The following SPTLC2 variants were observed in gnomAD, a reference collection of about 807,000 sequenced individuals.
SPTLC2 encodes the protein serine palmitoyltransferase long chain base subunit 2, also known as serine palmitoyltransferase 2.
In SPTLC2, 21 loss-of-function variants were observed where a neutral mutation model predicts 62.0. The observed-to-expected ratio is 0.34, with a 90% confidence interval of 0.24 to 0.49. The LOEUF (loss-of-function observed/expected upper bound fraction) is 0.49, where lower values mean the gene tolerates loss of function less well. Ranked by LOEUF, SPTLC2 falls within the 20% of genes least tolerant of loss-of-function variation. The pLI is 0.99. For synonymous variants in SPTLC2, 261 were observed against 261.8 expected (o/e 1.00, Z 0.03); for missense variants, 511 against 713.0 (o/e 0.72, Z 3.23).
chr14:77,555,388 A>C lies in SPTLC2; in HGVS notation c.1088T>G (p.Phe363Cys). The change falls in exon 8 of 12, where the codon TTT becomes TGT. Residue 363 changes from phenylalanine to cysteine, a missense_variant. Phe to Cys is a radical substitution (Grantham distance 205). Coordinates refer to ENST00000216484, the MANE Select transcript of SPTLC2 (RefSeq NM_004863.4). ...GPTGRGVVEY[F>C]GLDPEDVDVM... Reference sequence around the variant, plus strand: ...ATCCACATCCTCGGGATCCAGGCCAAAGTACTCCACCACACCCCGGCCTGT... The same window carrying C: ...ATCCACATCCTCGGGATCCAGGCCACAGTACTCCACCACACCCCGGCCTGT... The C allele has an allele frequency of 6.2e-7, 1 of 1,614,140 alleles. No homozygotes were observed. Among genetic ancestry groups the C allele is most frequent in the South Asian group, 1.1e-5 (1 of 91,074 alleles).
intron 5 of SPTLC2, among the ~76,000 whole-genome samples, chr14:77,562,732 G>T (rs1468556318): frequency 1.3e-5 from 2 of 152,200 alleles, no homozygotes; most frequent in Non-Finnish European, 2.9e-5. Context: ...CATGACTGAT[G>T]TAAATACTCA....
At chr14:77,523,961 G>A (rs961671964) in intron 9 of SPTLC2, among the ~76,000 whole-genome samples, 2 of 151,960 alleles carry the variant, frequency 1.3e-5, no homozygotes, top group Non-Finnish European at 2.9e-5. Flanking sequence ...TACAACCAGG[G>A]GAAAAGTCAG....
chr14:77,566,740 G>A (rs1349135011), intron 5 of SPTLC2, among the ~76,000 whole-genome samples: 2 of 152,078 alleles, frequency 1.3e-5, no homozygotes, highest in Non-Finnish European at 2.9e-5. Flanking sequence ...GATTACAGGC[G>A]TGAGCCACCG....
chr14:77,558,051 C>CTT (rs34550215), intron 6 of SPTLC2, among the ~76,000 whole-genome samples: 8,021 of 144,776 alleles, frequency 0.055, 299 homozygotes, highest in Middle Eastern at 0.092. Flanking sequence ...ATCATAAAAT[C>CTT]TTTTTTTTTT....
chr14:77,605,606 G>A (rs886876709), intron 1 of SPTLC2, among the ~76,000 whole-genome samples: 2 of 152,210 alleles, frequency 1.3e-5, no homozygotes, highest in East Asian at 1.9e-4. Flanking sequence ...GAGCTTTAGC[G>A]TGAGTGATGA....
At chr14:77,586,304 G>A (rs34443115) in intron 2 of SPTLC2, among the ~76,000 whole-genome samples, 20,337 of 152,088 alleles carry the variant, frequency 0.13, 1,633 homozygotes, top group South Asian at 0.25. Context: ...TCAAACTCCT[G>A]ACCTCAAGCG....
At chr14:77,514,294 T>C (rs543717223) in intron 11 of SPTLC2, among the ~76,000 whole-genome samples, 1 of 152,286 alleles carries the variant, frequency 6.6e-6, no homozygotes, top group Non-Finnish European at 1.5e-5. Flanking sequence ...AATCATTAGA[T>C]AGAAAAAGAA....
intron 4 of SPTLC2, 117 bp downstream of exon 4, chr14:77,576,650 A>G: frequency 7.1e-7 from 1 of 1,406,490 alleles, no homozygotes; most frequent in Non-Finnish European, 1.0e-6. Flanking sequence ...TCTTCACCTT[A>G]TCTAAATGAC....
chr14:77,553,811 T>C (rs1386001374), intron 8 of SPTLC2, among the ~76,000 whole-genome samples: 2 of 151,722 alleles, frequency 1.3e-5, no homozygotes, highest in Admixed American at 1.3e-4. Context: ...AATCAAGTAT[T>C]AAAAGAATGA....
intron 11 of SPTLC2, among the ~76,000 whole-genome samples, chr14:77,512,641 T>C (rs1410715027): frequency 2.6e-5 from 4 of 152,244 alleles, no homozygotes; most frequent in Non-Finnish European, 4.4e-5. Context: ...ATAAAGGCTA[T>C]AATTCAAAGT....
In SPTLC2 at chr14:77,573,938, C is replaced by T. The variant is rs115184617; in HGVS notation, c.631+2829G>A. 4.2e-3 allele frequency among the ~76,000 whole-genome samples: 638 copies of T among 152,190 alleles called. 7 individuals carry two copies. Among genetic ancestry groups the T allele is most frequent in the African/African-American group, 0.014 (571 of 41,526 alleles). ...TGAGCCACTGTGCCCGGCCAGAAGA[C>T]GACAATGTTTGACACACAGGAAGAC... On this transcript the variant is annotated intron_variant, in intron 4 of 11. Transcript: ENST00000216484.
intron 3 of SPTLC2, 111 bp downstream of exon 3, chr14:77,578,844 C>T: frequency 2.6e-6 from 3 of 1,171,362 alleles, no homozygotes; most frequent in Non-Finnish European, 3.8e-6. Context: ...ATATTGTATC[C>T]TCAGCTGCTA....
chr14:77,518,368 T>C (rs1056730759), intron 10 of SPTLC2, among the ~76,000 whole-genome samples: 12 of 152,186 alleles, frequency 7.9e-5, no homozygotes, highest in African/African-American at 2.9e-4. Context: ...AGTCTTCTCC[T>C]ATATGGTGTC....
chr14:77,571,750 A>G lies in SPTLC2; in HGVS notation c.632-1242T>C, dbSNP rs573108441. Among the ~76,000 whole-genome samples the G allele has an allele frequency of 8.7e-4, 133 of 152,254 alleles. 1 individual carries two copies. Among genetic ancestry groups the G allele is most frequent in the African/African-American group, 2.6e-3 (110 of 41,556 alleles). ...AATAATAATTTGCCCTATCTACCTC[A>G]TGACATTGTTGTGAGGATCAAAAGA... On this transcript the variant is annotated intron_variant, in intron 4 of 11. Transcript: ENST00000216484.
chr14:77,584,877 T>C (rs550703509), intron 2 of SPTLC2, among the ~76,000 whole-genome samples: 1 of 152,344 alleles, frequency 6.6e-6, no homozygotes, highest in South Asian at 2.1e-4. Flanking sequence ...GCGGATGTGA[T>C]GTAGGGTCTG....
At chr14:77,599,531 G>T (rs190725843) in intron 1 of SPTLC2, among the ~76,000 whole-genome samples, 1 of 152,320 alleles carries the variant, frequency 6.6e-6, no homozygotes. Context: ...AGACACAGTT[G>T]TATGTGACAA....
At chr14:77,555,072 T>C (rs1472873179) in intron 8 of SPTLC2, 8 of 567,008 alleles carry the variant, frequency 1.4e-5, no homozygotes, top group Non-Finnish European at 2.5e-5. Flanking sequence ...ATATCTCAGA[T>C]CAGCATGTAG....
chr14:77,555,176 T>C (rs1358634588), intron 8 of SPTLC2, 124 bp downstream of exon 8: 1 of 1,001,456 alleles, frequency 1.0e-6, no homozygotes, highest in East Asian at 2.4e-5. Flanking sequence ...ACTGGTATTA[T>C]GAGCCTAAAC....
chr14:77,599,468 T>A (rs2079865801), intron 1 of SPTLC2, among the ~76,000 whole-genome samples: 1 of 152,238 alleles, frequency 6.6e-6, no homozygotes, highest in South Asian at 2.1e-4. Context: ...CCTATCCCCG[T>A]AATGTTAGTT....
Sources: allele counts gnomAD v4.1 joint callset (sites outside exome capture counted in the v4.1 genomes callset), GRCh38; gene constraint gnomAD v4.1.1; transcripts MANE v1.5; gene names NCBI Gene and HGNC (gene_info 2026-07-23, HGNC 2026-07-21).